Variants in GPC3 observed in about 807,000 individuals in gnomAD.
GPC3 encodes glypican 3.
Under a neutral mutation model 34.4 loss-of-function variants are expected in GPC3, and 3 were observed. That is an observed-to-expected ratio of 0.09 (90% CI 0.04 to 0.23). The LOEUF (loss-of-function observed/expected upper bound fraction) is 0.23, where lower values mean the gene tolerates loss of function less well. GPC3 is among the 10% of genes least tolerant of loss of function. The probability of loss-of-function intolerance (pLI) is 1.00; values close to 1 mark genes in which losing one functional copy is unlikely to be tolerated. For missense variants in GPC3, 351 were observed against 445.6 expected (o/e 0.79, Z 1.91); for synonymous variants, 177 against 174.0 (o/e 1.02, Z -0.13).
chrX:133,796,075 A>G (rs2075579187), intron 2 of GPC3, among the ~76,000 whole-genome samples: 1 of 107,343 alleles, frequency 9.3e-6, no homozygotes, highest in Admixed American at 1.0e-4. Context: ...CCTGCCGAGT[A>G]GCTGGGACTA....
At chrX:133,750,649 C>A (rs1362019364) in intron 3 of GPC3, among the ~76,000 whole-genome samples, 1 of 112,224 alleles carries the variant, frequency 8.9e-6, no homozygotes, top group East Asian at 2.8e-4. Context: ...ATATCCAGCA[C>A]CTAGCAAAGT....
chrX:133,889,708 A>G (rs2076077112), intron 2 of GPC3, among the ~76,000 whole-genome samples: 1 of 110,156 alleles, frequency 9.1e-6, no homozygotes, highest in Non-Finnish European at 1.9e-5. Flanking sequence ...TAATTATGCA[A>G]TACTTTCTAG....
At chrX:133,950,045 T>A (rs1316846519) in intron 2 of GPC3, among the ~76,000 whole-genome samples, 2 of 111,726 alleles carry the variant, frequency 1.8e-5, no homozygotes, top group Non-Finnish European at 3.8e-5. Flanking sequence ...ATTGTTATCA[T>A]CATAACTATT....
intron 7 of GPC3, among the ~76,000 whole-genome samples, chrX:133,548,860 G>A (rs988015545): frequency 1.8e-5 from 2 of 111,267 alleles, no homozygotes; most frequent in South Asian, 3.8e-4. Context: ...TTTGCCTGCC[G>A]CCATCCACAT....
At chrX:133,661,575 TCTCTCTCTCTC>T (rs2070719453) in intron 6 of GPC3, among the ~76,000 whole-genome samples, 144 bp downstream of exon 6, 1 of 6,789 alleles carries the variant, frequency 1.5e-4, no homozygotes, top group Non-Finnish European at 3.2e-4. Flanking sequence ...TCTTTCTCTC[TCTCTCTCTCTC>T]TCTCTCTCTC....
intron 2 of GPC3, among the ~76,000 whole-genome samples, chrX:133,902,833 T>C (rs754566481): frequency 1.1e-4 from 12 of 110,736 alleles, no homozygotes; most frequent in Non-Finnish European, 1.9e-4. Context: ...TATTTCCTTA[T>C]AGCATTTTCT....
intron 6 of GPC3, among the ~76,000 whole-genome samples, chrX:133,640,079 C>T (rs1028900614): frequency 2.7e-5 from 3 of 111,632 alleles, no homozygotes; most frequent in Non-Finnish European, 5.6e-5. Context: ...TTGGGGAAGG[C>T]ACCTTGGAAC....
intron 5 of GPC3, among the ~76,000 whole-genome samples, chrX:133,665,780 G>A (rs1455312094): frequency 9.0e-6 from 1 of 111,649 alleles, no homozygotes; most frequent in Admixed American, 9.5e-5. Context: ...ATATAATGCG[G>A]TCTGTTTAAA....
At chrX:133,687,527 T>A (rs975880995) in intron 5 of GPC3, among the ~76,000 whole-genome samples, 4 of 106,385 alleles carry the variant, frequency 3.8e-5, no homozygotes, top group African/African-American at 1.4e-4. Context: ...GGAAAGTGAT[T>A]CTCCTACCTC....
chrX:133,855,657 C>T (rs987590315), intron 2 of GPC3, among the ~76,000 whole-genome samples: 6 of 108,687 alleles, frequency 5.5e-5, no homozygotes, highest in African/African-American at 1.7e-4. Flanking sequence ...AGCACAAGTC[C>T]TAAGTACAAT....
Position 133,692,235 on chromosome X carries a change from G to A in GPC3, c.1292+134C>T, listed in dbSNP as rs1051770458. 21 of 691,609 alleles carry A rather than the reference G, an allele frequency of 3.0e-5. 1 individual carries two copies. The highest frequency in any genetic ancestry group is 2.5e-4 in the Admixed American group (10 of 40,422). The allele number at this position is 691,609 out of a possible 1,213,427, so 57.0% of individuals were successfully genotyped here. The stretch of plus-strand genomic sequence containing the variant: ...GCTGGGATTACAGGCATGAGCCACC[G>A]CATCCAGCCTCATAGATTTCTCTAG... On this transcript the variant is annotated intron_variant, in intron 5 of 7. Coordinates refer to ENST00000370818, the MANE Select transcript of GPC3 (RefSeq NM_004484.4).
rs1211130526 is a variant in GPC3 at position 133,765,695 on chromosome X, C to G, written c.338-11519G>C. 5.4e-5 allele frequency among the ~76,000 whole-genome samples: 6 copies of G among 111,587 alleles called. No homozygotes were observed. The Admixed American group carries it at 5.7e-4, about 11-fold the overall frequency. On this transcript the variant is annotated intron_variant, in intron 2 of 7. Transcript: ENST00000370818. ...GTCAATTGCCAGTAGTGTATGCAAC[C>G]ATTGTTGTTGAGAGCACTGTGTCTG...
At chrX:133,736,942 T>G (rs145873448) in intron 3 of GPC3, among the ~76,000 whole-genome samples, 3,098 of 112,013 alleles carry the variant, frequency 0.028, 47 homozygotes, top group Non-Finnish European at 0.045. Flanking sequence ...GAGGTATAAT[T>G]TACCACTAAT....
chrX:133,799,604 G>A (rs144416314), intron 2 of GPC3, among the ~76,000 whole-genome samples: 2,435 of 111,239 alleles, frequency 0.022, 38 homozygotes, highest in Middle Eastern at 0.037. Flanking sequence ...CTCTGTGCCT[G>A]AAATTCCCTT....
intron 1 of GPC3, among the ~76,000 whole-genome samples, chrX:133,959,395 AGT>A (rs1178286244): frequency 8.9e-6 from 1 of 112,363 alleles, no homozygotes; most frequent in East Asian, 2.8e-4. Flanking sequence ...GAAAGCCAAC[AGT>A]GTGTATAGGG....
rs1488891852 is a variant in GPC3 at position 133,753,547 on chromosome X, G to A, written c.967C>T (p.Leu323Phe). The A allele has an allele frequency of 1.7e-6, 2 of 1,210,363 alleles. No homozygotes were observed. The highest frequency in any genetic ancestry group is 1.8e-5 in the South Asian group (1 of 56,944). The part of the protein sequence containing the change: ...IYDMENVLLG[L>F]FSTIHDSIQY... ...ATAGAATCATGGATTGTTGAAAAGA[G>A]ACCAAGCAGTACGTTCTCCATGTCA... is the stretch of plus-strand genomic sequence containing the variant. The change falls in exon 3 of 8, where the codon CTC (leucine) becomes TTC (phenylalanine). Residue 323 changes from leucine (L) to phenylalanine (F), a missense_variant. Transcript: ENST00000370818.
intron 2 of GPC3, among the ~76,000 whole-genome samples, chrX:133,808,857 A>C (rs2075649780): frequency 8.9e-6 from 1 of 112,308 alleles, no homozygotes; most frequent in African/African-American, 3.2e-5. Context: ...CATAATGCAC[A>C]AAATGAAATT....
intron 2 of GPC3, among the ~76,000 whole-genome samples, chrX:133,902,428 A>G (rs2076147965): frequency 8.9e-6 from 1 of 112,644 alleles, no homozygotes; most frequent in Non-Finnish European, 1.9e-5. Flanking sequence ...TATAAAAATC[A>G]TAAGTCTGCA....
chrX:133,904,792 G>A (rs2076160650), intron 2 of GPC3, among the ~76,000 whole-genome samples: 1 of 111,805 alleles, frequency 8.9e-6, no homozygotes, highest in Non-Finnish European at 1.9e-5. Flanking sequence ...CTAAGTCATT[G>A]ATGAGGCAGC....
Sources: gnomAD v4.1 joint callset for allele counts (sites outside exome capture counted in the v4.1 genomes callset) on GRCh38, gnomAD v4.1.1 for gene constraint, MANE v1.5 for transcripts, NCBI Gene and HGNC (gene_info 2026-07-23, HGNC 2026-07-21) for gene names.